NFIA: variants seen among roughly 807,000 people sequenced by gnomAD.
NFIA encodes the protein nuclear factor 1 A-type.
A neutral mutation model predicts 62.8 loss-of-function variants in NFIA; 8 were observed. That is an observed-to-expected ratio of 0.13 (90% CI 0.07 to 0.23). The LOEUF (loss-of-function observed/expected upper bound fraction) is 0.23. Among genes scored for constraint, NFIA ranks in the 10% least tolerant of loss-of-function variants. The pLI is 1.00. For missense variants in NFIA, 410 were observed against 642.1 expected (o/e 0.64, Z 3.91); for synonymous variants, 235 against 238.1 (o/e 0.99, Z 0.12).
intron 2 of NFIA, among the ~76,000 whole-genome samples, chr1:61,197,139 T>G (rs1398728769): frequency 2.0e-5 from 3 of 152,188 alleles, no homozygotes; most frequent in South Asian, 4.1e-4. Flanking sequence ...ATTTATAATA[T>G]TCCAGAAGAA....
intron 9 of NFIA, among the ~76,000 whole-genome samples, chr1:61,409,392 A>G (rs1006108047): frequency 6.6e-6 from 1 of 152,028 alleles, no homozygotes; most frequent in Admixed American, 6.6e-5. Context: ...ATTGCTTACC[A>G]TTTTCTGCTT....
chr1:61,246,041 G>A (rs1293989596), intron 2 of NFIA, among the ~76,000 whole-genome samples: 1 of 152,050 alleles, frequency 6.6e-6, no homozygotes, highest in African/African-American at 2.4e-5. Flanking sequence ...ACTAAATCCG[G>A]CACATAATTA....
At chr1:61,098,779 C>T (rs191723777) in intron 2 of NFIA, among the ~76,000 whole-genome samples, 3 of 152,142 alleles carry the variant, frequency 2.0e-5, no homozygotes, top group Admixed American at 6.5e-5. Flanking sequence ...ACTGTATAGA[C>T]AAAAATCTTA....
chr1:61,404,202 C>A lies in NFIA; in HGVS notation c.1174C>A (p.Pro392Thr). Residue 392 changes from proline (P) to threonine (T), a missense_variant, in exon 8 of 11, where the codon CCT (proline) becomes ACT (threonine). Physicochemically the swap from Pro to Thr is conservative, Grantham distance 38 (BLOSUM62 -1). This residue lies in a region of NFIA where 298 missense variants were observed against 438.1 expected (regional missense o/e 0.68). Transcript: ENST00000403491. ...YFSHPAIRYHPQETLKEFVQL... is the reference protein window; with the variant it reads ...YFSHPAIRYHTQETLKEFVQL... Reference sequence around the variant, plus strand: ...CTCACACCCAGCCATCCGCTATCACCCTCAGGAGACGCTGAAAGAATTTGT... The same window carrying A: ...CTCACACCCAGCCATCCGCTATCACACTCAGGAGACGCTGAAAGAATTTGT... 6.2e-7 allele frequency: 1 copy of A among 1,614,214 alleles called. No homozygotes were observed. Among genetic ancestry groups the A allele is most frequent in the Non-Finnish European group, 8.5e-7 (1 of 1,180,032 alleles).
intron 2 of NFIA, among the ~76,000 whole-genome samples, chr1:61,208,294 A>G (rs533041124): frequency 2.0e-4 from 30 of 152,250 alleles, no homozygotes; most frequent in African/African-American, 6.7e-4. Context: ...TTTTTCTGCC[A>G]TATTCCTTCT....
At chr1:61,414,129 C>A (rs1036783214) in intron 9 of NFIA, among the ~76,000 whole-genome samples, 1 of 151,982 alleles carries the variant, frequency 6.6e-6, no homozygotes, top group Non-Finnish European at 1.5e-5. Flanking sequence ...ATGACAGGTG[C>A]GCACCACCAC....
intron 2 of NFIA, among the ~76,000 whole-genome samples, chr1:61,191,396 A>T (rs1570349653): frequency 6.6e-6 from 1 of 151,540 alleles, no homozygotes; most frequent in Admixed American, 6.6e-5. Flanking sequence ...GCTAAACGGG[A>T]TTTGCTTTCC....
chr1:61,281,314 A>G (rs1319933416), intron 3 of NFIA, among the ~76,000 whole-genome samples: 2 of 152,178 alleles, frequency 1.3e-5, no homozygotes. Context: ...GAATATGCAT[A>G]CAAAATAGCA....
At chr1:61,183,846 A>C (rs548377977) in intron 2 of NFIA, among the ~76,000 whole-genome samples, 2 of 152,052 alleles carry the variant, frequency 1.3e-5, no homozygotes, top group South Asian at 4.2e-4. Context: ...AAGTGGGACC[A>C]TACTGGATGT....
At chr1:61,194,322 A>T (rs888196622) in intron 2 of NFIA, among the ~76,000 whole-genome samples, 36 of 152,250 alleles carry the variant, frequency 2.4e-4, no homozygotes, top group African/African-American at 8.7e-4. Context: ...TAGTATTTTT[A>T]AAGTATGTGT....
At chr1:61,432,593 G>GTATA (rs66556050) in intron 10 of NFIA, among the ~76,000 whole-genome samples, 12 of 144,980 alleles carry the variant, frequency 8.3e-5, no homozygotes, top group Non-Finnish European at 1.7e-4. Flanking sequence ...ATATATGTGT[G>GTATA]TATATATATA....
At chr1:61,081,891 T>C, upstream of NFIA, 1 of 1,544,740 alleles carries the variant, frequency 6.5e-7, no homozygotes, top group Non-Finnish European at 8.7e-7. Context: ...CGCATTTCAG[T>C]GGGGGAAAAA....
At chr1:61,187,425 C>T (rs1397840188) in intron 2 of NFIA, among the ~76,000 whole-genome samples, 3 of 152,212 alleles carry the variant, frequency 2.0e-5, no homozygotes, top group African/African-American at 4.8e-5. Flanking sequence ...TTAAAAATTA[C>T]TCTTCTCGTT....
intron 2 of NFIA, among the ~76,000 whole-genome samples, chr1:61,179,987 T>G (rs970268433): frequency 6.6e-6 from 1 of 152,150 alleles, no homozygotes; most frequent in South Asian, 2.1e-4. Flanking sequence ...ATCGAGTCAA[T>G]CAGGACTCTT....
intron 2 of NFIA, among the ~76,000 whole-genome samples, chr1:61,096,215 G>T (rs78879812): frequency 0.03 from 4,585 of 151,678 alleles, 218 homozygotes; most frequent in African/African-American, 0.098. Context: ...GCTTTTTTTT[G>T]TTGTTGTTGT....
intron 2 of NFIA, among the ~76,000 whole-genome samples, chr1:61,140,955 C>A (rs1647462718): frequency 6.9e-6 from 1 of 145,438 alleles, no homozygotes; most frequent in African/African-American, 2.5e-5. Flanking sequence ...TGTGGTCTAA[C>A]CACAGCTGGG....
At chr1:61,373,446 TTC>T (rs1177343691) in intron 6 of NFIA, among the ~76,000 whole-genome samples, 5 of 152,118 alleles carry the variant, frequency 3.3e-5, no homozygotes, top group African/African-American at 1.2e-4. Context: ...TTTAGCTGGG[TTC>T]TCTGCTTGTA....
At chr1:61,454,343 C>T (rs1163122399) in intron 10 of NFIA, among the ~76,000 whole-genome samples, 1 of 152,150 alleles carries the variant, frequency 6.6e-6, no homozygotes, top group South Asian at 2.1e-4. Context: ...CTCATTCTGT[C>T]TAGCTAACAG....
chr1:61,455,651 G>C lies in NFIA; in HGVS notation c.*331G>C, dbSNP rs1668270508. 5.1e-6 allele frequency: 2 copies of C among 389,944 alleles called. No individual in the cohort carries two copies. Among genetic ancestry groups the C allele is most frequent in the Admixed American group, 4.5e-5 (1 of 22,298 alleles). The allele number at this position is 389,944 out of a possible 1,614,324, so 24.2% of individuals were successfully genotyped here. A position where few individuals can be genotyped will look rare whatever the true frequency, so the allele number is the denominator to read the frequency against. On this transcript the variant is annotated 3_prime_UTR_variant, in exon 11 of 11. Transcript: ENST00000403491. The stretch of plus-strand genomic sequence containing the variant: ...ACGTGGCTAGCGGAGGACTACCCTT[G>C]CTCACTGACTTCCTGTTGTAACACA...
Sources: allele counts gnomAD v4.1 joint callset (sites outside exome capture counted in the v4.1 genomes callset), GRCh38; gene constraint gnomAD v4.1.1; regional missense constraint gnomAD v4.1.1; transcripts MANE v1.5; gene names NCBI Gene and HGNC (gene_info 2026-07-23, HGNC 2026-07-21).